The following TRIM2 variants were observed in gnomAD, a reference collection of about 807,000 sequenced individuals.
The protein encoded by TRIM2 is tripartite motif containing 2.
Under a neutral mutation model 75.2 loss-of-function variants are expected in TRIM2, and 20 were observed. That is an observed-to-expected ratio of 0.27 (90% CI 0.19 to 0.39). The LOEUF (loss-of-function observed/expected upper bound fraction) is 0.39, where lower values mean the gene tolerates loss of function less well. Among genes scored for constraint, TRIM2 ranks in the 10% least tolerant of loss-of-function variants. The probability of loss-of-function intolerance (pLI) is 1.00; values close to 1 mark genes in which losing one functional copy is unlikely to be tolerated. For missense variants in TRIM2, 660 were observed against 990.8 expected (o/e 0.67, Z 4.48); for synonymous variants, 373 against 388.3 (o/e 0.96, Z 0.46).
chr4:153,218,269 G>T (rs1739023561), intron 1 of TRIM2, among the ~76,000 whole-genome samples: 2 of 152,180 alleles, frequency 1.3e-5, no homozygotes, highest in Admixed American at 1.3e-4. Context: ...GTGCAGTGGT[G>T]CAATCACAGC....
At position 153,221,994 on chromosome 4, in the gene TRIM2, GGAAGGAAGGAAA is replaced by G. The variant is rs778697371; in HGVS notation, c.30+17449_30+17460del. On this transcript the variant is annotated intron_variant, in intron 1 of 11. Transcript: ENST00000338700. ...AGGGAGGAAGGAAGGAAGGGAGAGA[GGAAGGAAGGAAA>G]GAAGGAAGGAAAGAGCAAGGAAGGA... Among the ~76,000 whole-genome samples the G allele has an allele frequency of 8.5e-4, 39 of 45,854 alleles. 1 individual carries two copies. Among genetic ancestry groups the G allele is most frequent in the Admixed American group, 1.4e-3 (4 of 2,958 alleles). The allele number at this position is 45,854 out of a possible 152,430, so 30.1% of individuals were successfully genotyped here.
At chr4:153,161,271 A>T (rs1231428655) in intron 1 of TRIM2, among the ~76,000 whole-genome samples, 14 of 152,366 alleles carry the variant, frequency 9.2e-5, no homozygotes, top group Admixed American at 8.5e-4. Flanking sequence ...AAGCACAGAG[A>T]TGAATCAAAT....
chr4:153,174,350 TC>T (rs750326958), intron 1 of TRIM2, among the ~76,000 whole-genome samples: 5 of 152,042 alleles, frequency 3.3e-5, no homozygotes, highest in African/African-American at 7.2e-5. Context: ...TTCTTTCCTC[TC>T]CTGGTATAAG....
intron 6 of TRIM2, among the ~76,000 whole-genome samples, chr4:153,311,202 G>C (rs991729405): frequency 6.6e-6 from 1 of 152,100 alleles, no homozygotes; most frequent in Admixed American, 6.5e-5. Flanking sequence ...AAAAACGTGT[G>C]CTTATTTCTG....
chr4:153,209,969 G>A (rs1736505943), intron 1 of TRIM2, among the ~76,000 whole-genome samples: 1 of 151,802 alleles, frequency 6.6e-6, no homozygotes, highest in African/African-American at 2.4e-5. Flanking sequence ...TCAGAATCAT[G>A]CACCATAAAC....
chr4:153,289,845 C>G (rs1201347407), intron 3 of TRIM2, among the ~76,000 whole-genome samples: 2 of 152,162 alleles, frequency 1.3e-5, no homozygotes, highest in African/African-American at 2.4e-5. Flanking sequence ...TGACTAAGCA[C>G]TGTTAATGTG....
intron 11 of TRIM2, among the ~76,000 whole-genome samples, chr4:153,333,122 A>T (rs956090282): frequency 6.6e-6 from 1 of 152,224 alleles, no homozygotes; most frequent in Non-Finnish European, 1.5e-5. Flanking sequence ...TATACTATGG[A>T]ATATGACTTG....
chr4:153,290,177 C>A (rs1042790539), intron 3 of TRIM2, among the ~76,000 whole-genome samples: 1 of 152,180 alleles, frequency 6.6e-6, no homozygotes, highest in South Asian at 2.1e-4. Context: ...CCAAAGAAAT[C>A]TCAGAATTTA....
At chr4:153,304,287 T>A (rs1764533177) in intron 6 of TRIM2, among the ~76,000 whole-genome samples, 2 of 152,170 alleles carry the variant, frequency 1.3e-5, no homozygotes, top group South Asian at 4.2e-4. Flanking sequence ...CTAATTTTTG[T>A]ATTTTCAGTA....
At chr4:153,156,184 T>C (rs1729213666) in intron 1 of TRIM2, among the ~76,000 whole-genome samples, 1 of 152,204 alleles carries the variant, frequency 6.6e-6, no homozygotes, top group African/African-American at 2.4e-5. Context: ...TCTTTGTGGG[T>C]AACGGGTGTG....
chr4:153,244,121 A>ATCTTCTTCTTCT (rs895189975), intron 1 of TRIM2, among the ~76,000 whole-genome samples: 8 of 145,732 alleles, frequency 5.5e-5, no homozygotes, highest in Non-Finnish European at 1.2e-4. Flanking sequence ...TGCCACTGCC[A>ATCTTCTTCTTCT]TCTTCTTCTT....
intron 6 of TRIM2, among the ~76,000 whole-genome samples, chr4:153,304,049 G>T (rs368533944): frequency 4.6e-5 from 7 of 152,154 alleles, no homozygotes; most frequent in East Asian, 1.9e-4. Flanking sequence ...TCAGGATGGT[G>T]GGGGGAGAAG....
intron 1 of TRIM2, among the ~76,000 whole-genome samples, chr4:153,266,208 GCCCCA>G (rs1755014217): frequency 6.6e-6 from 1 of 152,106 alleles, no homozygotes; most frequent in Non-Finnish European, 1.5e-5. Context: ...CTCTGTGAGT[GCCCCA>G]GGCTGGAGTG....
In TRIM2 at chr4:153,338,829, A is replaced by G. The variant is rs887148848; in HGVS notation, c.*3863A>G. ...ACTTTTGAAAGCAACACAGCCTTAAACTCAATGCTTTTGCTTTATGACATG... is the reference window on the plus strand; with the variant it reads ...ACTTTTGAAAGCAACACAGCCTTAAGCTCAATGCTTTTGCTTTATGACATG... On this transcript the variant is annotated 3_prime_UTR_variant, in exon 12 of 12. Transcript: ENST00000338700. 1 of 985,622 alleles carries G rather than the reference A, an allele frequency of 1.0e-6. No homozygotes were observed. The allele number at this position is 985,622 out of a possible 1,614,324, so 61.1% of individuals were successfully genotyped here.
intron 1 of TRIM2, among the ~76,000 whole-genome samples, 152 bp downstream of exon 1, chr4:153,204,712 A>G (rs1443821725): frequency 1.3e-5 from 2 of 152,166 alleles, no homozygotes; most frequent in Non-Finnish European, 2.9e-5. Flanking sequence ...GGATTTGCTG[A>G]CAAAGCTCAC....
At chr4:153,223,089 G>T (rs1043482239) in intron 1 of TRIM2, 1 of 152,192 alleles carries the variant, frequency 6.6e-6, no homozygotes, top group African/African-American at 2.4e-5. Context: ...CCCGGGCAAG[G>T]TCCGGTGGCC....
chr4:153,274,771 C>T (rs1472927205), intron 2 of TRIM2, among the ~76,000 whole-genome samples: 1 of 152,116 alleles, frequency 6.6e-6, no homozygotes, highest in Non-Finnish European at 1.5e-5. Context: ...GGAAGGTGAG[C>T]AGAGCAATAA....
In TRIM2 at chr4:153,295,499, C is replaced by A; in HGVS notation, c.973C>A (p.Gln325Lys). 1 of 1,614,140 alleles carries A rather than the reference C, an allele frequency of 6.2e-7. No homozygotes were observed. Among genetic ancestry groups the A allele is most frequent in the Non-Finnish European group, 8.5e-7 (1 of 1,180,018 alleles). ...DFPLHPREND[Q>K]LDFIVETEGL... ...CCCCTTGCACCCGCGGGAGAACGAC[C>A]AGCTGGATTTCATCGTGGAAACCGA... Residue 325 changes from glutamine to lysine, a missense_variant, in exon 6 of 12, where the codon CAG becomes AAG. Gln to Lys is a moderately conservative substitution (Grantham distance 53). Coordinates refer to ENST00000338700, the MANE Select transcript of TRIM2 (RefSeq NM_015271.5). This position sits in a 1 kb window ranked among gnomAD's most constrained non-coding sequence, Gnocchi z 7.2.
intron 1 of TRIM2, among the ~76,000 whole-genome samples, chr4:153,238,579 G>A (rs575359280): frequency 1.3e-4 from 20 of 152,144 alleles, no homozygotes; most frequent in South Asian, 4.1e-4. Context: ...AAGGTATAAC[G>A]GTTTAAGAAA....
Sources: gnomAD v4.1 joint callset for allele counts (sites outside exome capture counted in the v4.1 genomes callset) on GRCh38, gnomAD v4.1.1 for gene constraint, Gnocchi (gnomAD v3.1) non-coding constraint, MANE v1.5 for transcripts, NCBI Gene and HGNC (gene_info 2026-07-23, HGNC 2026-07-21) for gene names.